The following RNF130 variants were observed in gnomAD, a reference collection of about 807,000 sequenced individuals.
The protein encoded by RNF130 is ring finger protein 130.
In RNF130, 21 loss-of-function variants were observed where a neutral mutation model predicts 44.6. The ratio of observed to expected loss-of-function variants is 0.47; its 90% CI spans 0.33 to 0.68. RNF130 has a LOEUF of 0.68. Among genes scored for constraint, RNF130 ranks in the 30% least tolerant of loss-of-function variants. The pLI, the probability that RNF130 is intolerant of heterozygous loss-of-function variation, is 0.02. For missense variants in RNF130, 479 were observed against 560.6 expected, an observed-to-expected ratio of 0.85 and a Z score of 1.47; for synonymous variants, 214 against 210.4, an observed-to-expected ratio of 1.02 and a Z score of -0.15.
At chr5:180,040,358 G>T in intron 2 of RNF130, 95 bp downstream of exon 2, 1 of 1,163,260 alleles carries the variant, frequency 8.6e-7, no homozygotes, top group Non-Finnish European at 1.2e-6. Context: ...GATTATGTTG[G>T]AAATTACATG....
intron 3 of RNF130, among the ~76,000 whole-genome samples, chr5:179,991,282 G>C (rs543783668): frequency 1.3e-5 from 2 of 152,196 alleles, no homozygotes; most frequent in East Asian, 1.9e-4. Flanking sequence ...TATATGTCAT[G>C]GTGAAGTCTT....
rs1761774824 is a variant in RNF130 at position 179,929,445 on chromosome 5, T to C, written c.1151-9019A>G. 3.3e-5 allele frequency among the ~76,000 whole-genome samples: 5 copies of C among 152,298 alleles called. No homozygotes were observed. The South Asian group carries it at 1.0e-3, about 32-fold the overall frequency. ...CTTGTTATTCTTAGCTCTTTCCATTTCCACGTAAATTCTAGGATCAGGCTG... is the reference window on the plus strand; with the variant it reads ...CTTGTTATTCTTAGCTCTTTCCATTCCCACGTAAATTCTAGGATCAGGCTG... On this transcript the variant is annotated intron_variant, in intron 7 of 7. Coordinates refer to the RNF130 transcript ENST00000522208.
At chr5:180,033,758 T>C (rs924314673) in intron 2 of RNF130, among the ~76,000 whole-genome samples, 4 of 136,196 alleles carry the variant, frequency 2.9e-5, no homozygotes, top group Non-Finnish European at 5.0e-5. Context: ...CTTTGTATTC[T>C]ACATTCTTTC....
intron 3 of RNF130, among the ~76,000 whole-genome samples, chr5:180,010,018 T>C (rs528016179): frequency 7.2e-4 from 110 of 152,034 alleles, no homozygotes; most frequent in South Asian, 2.3e-3. Flanking sequence ...GAGGCTGAGG[T>C]GGGCGGATCA....
intron 3 of RNF130, among the ~76,000 whole-genome samples, chr5:180,006,878 G>C (rs1044633204): frequency 1.3e-5 from 2 of 152,128 alleles, no homozygotes; most frequent in African/African-American, 4.8e-5. Context: ...ACCATCAGTG[G>C]TAGTTTGAAC....
chr5:179,975,899 G>A (rs771290605), intron 5 of RNF130, among the ~76,000 whole-genome samples: 2 of 152,208 alleles, frequency 1.3e-5, no homozygotes, highest in Non-Finnish European at 2.9e-5. Flanking sequence ...GGTGGCAGGC[G>A]TGGCTTTGCA....
intron 3 of RNF130, among the ~76,000 whole-genome samples, chr5:179,991,885 T>C (rs1763090128): frequency 6.6e-6 from 1 of 152,106 alleles, no homozygotes; most frequent in Non-Finnish European, 1.5e-5. Flanking sequence ...CAGTGAGAGA[T>C]TAGGCATTAG....
At chr5:179,995,348 T>C (rs1302780274) in intron 3 of RNF130, among the ~76,000 whole-genome samples, 1 of 152,132 alleles carries the variant, frequency 6.6e-6, no homozygotes, top group Non-Finnish European at 1.5e-5. Flanking sequence ...TCCAGTCCCA[T>C]GATGGGGGTG....
At chr5:180,043,573 A>C (rs1764477942) in intron 1 of RNF130, among the ~76,000 whole-genome samples, 1 of 152,174 alleles carries the variant, frequency 6.6e-6, no homozygotes, top group Non-Finnish European at 1.5e-5. Context: ...CAGTCCACTC[A>C]GAAGACAGCA....
chr5:179,939,759 C>A, intron 7 of RNF130: 1 of 434,224 alleles, frequency 2.3e-6, no homozygotes, highest in South Asian at 1.9e-5. Flanking sequence ...CGACCCCCTC[C>A]CTTGGCGACT....
chr5:180,052,696 G>A (rs1764714443), intron 1 of RNF130, among the ~76,000 whole-genome samples: 1 of 152,172 alleles, frequency 6.6e-6, no homozygotes, highest in South Asian at 2.1e-4. Context: ...CATCTGTCCA[G>A]CAACCAAAGG....
intron 1 of RNF130, among the ~76,000 whole-genome samples, chr5:180,046,465 C>T (rs1764569874): frequency 6.6e-6 from 1 of 152,204 alleles, no homozygotes; most frequent in South Asian, 2.1e-4. Flanking sequence ...GAAATGTAAA[C>T]ACGCCACATA....
intron 2 of RNF130, among the ~76,000 whole-genome samples, chr5:180,037,261 A>G (rs1000249139): frequency 6.6e-6 from 1 of 152,222 alleles, no homozygotes; most frequent in Non-Finnish European, 1.5e-5. Flanking sequence ...GGGTGGAAAG[A>G]AGGACAGAGA....
chr5:180,027,857 G>A (rs995717681), intron 2 of RNF130, among the ~76,000 whole-genome samples: 21 of 152,330 alleles, frequency 1.4e-4, no homozygotes, highest in African/African-American at 3.1e-4. Context: ...CTGGGGCTCC[G>A]GCTGCCCGGC....
In RNF130 at chr5:180,040,502, G is replaced by T; in HGVS notation, c.393C>A (p.Val131=). The change falls in exon 2 of 9, where the codon GTC becomes GTA. Residue 131 remains valine, a synonymous_variant. Coordinates refer to ENST00000521389, the MANE Select transcript of RNF130 (RefSeq NM_018434.6). ...RAAFHNAVAV[V]IYNNKSKEEP... ...CCTCTTTGGATTTATTATTGTAGAT[G>T]ACTACAGCAACTGCATTGTGGAAAG... The T allele has an allele frequency of 6.2e-7, 1 of 1,614,152 alleles. No individual in the cohort carries two copies. The highest frequency in any genetic ancestry group is 1.1e-5 in the South Asian group (1 of 91,066).
chr5:179,933,092 G>C (rs1222249452), intron 7 of RNF130, among the ~76,000 whole-genome samples: 1 of 152,178 alleles, frequency 6.6e-6, no homozygotes, highest in Non-Finnish European at 1.5e-5. Flanking sequence ...AATGGGTATA[G>C]AGTTTCAGAT....
chr5:180,026,074 G>GA (rs1342192858), intron 2 of RNF130, among the ~76,000 whole-genome samples: 7 of 148,178 alleles, frequency 4.7e-5, no homozygotes, highest in African/African-American at 1.2e-4. Flanking sequence ...GAATATGATG[G>GA]AAAAAAGGTG....
intron 7 of RNF130, chr5:179,939,557 A>G: frequency 6.6e-6 from 2 of 302,334 alleles, no homozygotes; most frequent in Non-Finnish European, 1.3e-5. Context: ...AACTCTTTTT[A>G]GTGATGTTTC....
At chr5:179,981,775 TGAATC>T (rs1762846818) in intron 3 of RNF130, among the ~76,000 whole-genome samples, 1 of 152,348 alleles carries the variant, frequency 6.6e-6, no homozygotes, top group Admixed American at 6.5e-5. Flanking sequence ...CTGGCTTGTT[TGAATC>T]AAGATACAAA....
Sources: allele counts gnomAD v4.1 joint callset (sites outside exome capture counted in the v4.1 genomes callset), GRCh38; gene constraint gnomAD v4.1.1; transcripts MANE v1.5; gene names NCBI Gene and HGNC (gene_info 2026-07-23, HGNC 2026-07-21).